The following UVRAG variants were observed in gnomAD, a reference collection of about 807,000 sequenced individuals.
The protein encoded by UVRAG is UV radiation resistance-associated gene protein.
In UVRAG, 19 loss-of-function variants were observed where a neutral mutation model predicts 78.0. That is an observed-to-expected ratio of 0.24 (90% CI 0.17 to 0.36). The LOEUF (loss-of-function observed/expected upper bound fraction) is 0.36. Ranked by LOEUF, UVRAG falls within the 10% of genes least tolerant of loss-of-function variation. The probability of loss-of-function intolerance (pLI) is 1.00; values close to 1 mark genes in which losing one functional copy is unlikely to be tolerated. For missense variants in UVRAG, 740 were observed against 853.8 expected (o/e 0.87, Z 1.66); for synonymous variants, 323 against 324.6 (o/e 1.00, Z 0.05).
At chr11:75,822,339 T>C (rs556941595) in intron 1 of UVRAG, among the ~76,000 whole-genome samples, 2 of 152,368 alleles carry the variant, frequency 1.3e-5, no homozygotes, top group South Asian at 2.1e-4. Context: ...TACACTGTTA[T>C]ACTATCAGCA....
chr11:75,899,362 A>G (rs1455959228), intron 5 of UVRAG, among the ~76,000 whole-genome samples: 2 of 152,128 alleles, frequency 1.3e-5, no homozygotes, highest in African/African-American at 4.8e-5. Flanking sequence ...CAGAGCTTTA[A>G]AAAAACTACC....
At chr11:75,930,835 G>A (rs546369808) in intron 6 of UVRAG, 1 of 152,362 alleles carries the variant, frequency 6.6e-6, no homozygotes, top group African/African-American at 2.4e-5. Context: ...GTTGGCATCT[G>A]CAAGTCAGCC....
intron 7 of UVRAG, among the ~76,000 whole-genome samples, chr11:75,983,018 T>C (rs903304016): frequency 1.4e-4 from 21 of 152,304 alleles, no homozygotes; most frequent in African/African-American, 4.8e-4. Flanking sequence ...TCTTGGTATA[T>C]ACCTAGAAGT....
At chr11:75,935,365 G>A (rs1209228004) in intron 6 of UVRAG, among the ~76,000 whole-genome samples, 1 of 151,940 alleles carries the variant, frequency 6.6e-6, no homozygotes, top group Non-Finnish European at 1.5e-5. Flanking sequence ...TGCTTTATTA[G>A]TTATTAAAAA....
At position 75,815,639 on chromosome 11, in the gene UVRAG, G is replaced by T. The variant is rs1194419765; in HGVS notation, c.117+115G>T. 3 of 584,286 alleles carry T rather than the reference G, an allele frequency of 5.1e-6. No homozygotes were observed. In the African/African-American group the frequency reaches 5.8e-5, roughly 11 times the overall value. 36.2% of individuals were successfully genotyped at this position (584,286 alleles called of 1,614,324 possible). On this transcript the variant is annotated intron_variant, in intron 1 of 14. Coordinates refer to ENST00000356136, the MANE Select transcript of UVRAG (RefSeq NM_003369.4). ...GACACCCAGAGCAGGGACCCGGAGG[G>T]CTCGCGGGACTGAGGAAGACTGTCA...
rs2134524207 is a variant in UVRAG, at chr11:76,142,975, A to T, written c.*1562A>T. The T allele has an allele frequency of 6.6e-6, 1 of 152,328 alleles. No homozygotes were observed. Among genetic ancestry groups the T allele is most frequent in the Admixed American group, 6.5e-5 (1 of 15,296 alleles). The allele number at this position is 152,328 out of a possible 1,614,324, so 9.4% of individuals were successfully genotyped here. On this transcript the variant is annotated 3_prime_UTR_variant, in exon 15 of 15. Coordinates refer to ENST00000356136, the MANE Select transcript of UVRAG (RefSeq NM_003369.4). ...GAACTCACAGGATGACTACATCACA[A>T]ATAAACCCAACTCTCAGGCAGTCGA... is the stretch of plus-strand genomic sequence containing the variant.
chr11:75,975,253 GT>G (rs1949213613), intron 7 of UVRAG, among the ~76,000 whole-genome samples: 1 of 152,172 alleles, frequency 6.6e-6, no homozygotes, highest in Non-Finnish European at 1.5e-5. Context: ...GTACCATGCT[GT>G]TTTGGTTACT....
chr11:75,973,060 A>G (rs964864641), intron 7 of UVRAG, among the ~76,000 whole-genome samples: 6 of 152,148 alleles, frequency 3.9e-5, no homozygotes, highest in African/African-American at 1.4e-4. Context: ...ATTAGCTAGG[A>G]CTTCAGGTAT....
At chr11:75,968,659 G>A (rs1268470739) in intron 7 of UVRAG, among the ~76,000 whole-genome samples, 2 of 152,122 alleles carry the variant, frequency 1.3e-5, no homozygotes, top group African/African-American at 2.4e-5. Flanking sequence ...ATGTACCCTG[G>A]AATAGAGCAG....
intron 8 of UVRAG, chr11:75,983,829 A>G (rs1949443031): frequency 5.0e-6 from 1 of 198,578 alleles, no homozygotes; most frequent in Non-Finnish European, 1.0e-5. Context: ...GTATCTAAAT[A>G]TATCTAAGCA....
intron 6 of UVRAG, among the ~76,000 whole-genome samples, chr11:75,935,761 CA>C (rs5792706): frequency 1 from 152,316 of 152,316 alleles, 76,158 homozygotes; most frequent in Non-Finnish European, 1. Context: ...TCAGTACTCC[CA>C]AAATAAATCA....
intron 3 of UVRAG, among the ~76,000 whole-genome samples, chr11:75,870,991 TC>T (rs1403387429): frequency 1.3e-5 from 2 of 151,912 alleles, no homozygotes; most frequent in South Asian, 4.1e-4. Flanking sequence ...TGTCTCAGCC[TC>T]CCAAGTAGCT....
chr11:76,023,109 G>T (rs1268135121), intron 12 of UVRAG, among the ~76,000 whole-genome samples: 1 of 152,022 alleles, frequency 6.6e-6, no homozygotes, highest in Non-Finnish European at 1.5e-5. Context: ...TACATTGTGT[G>T]CCCATAATAC....
intron 6 of UVRAG, chr11:75,930,929 TTC>T (rs970080698): frequency 3.4e-5 from 4 of 118,428 alleles, no homozygotes; most frequent in African/African-American, 1.5e-4. Flanking sequence ...TGTCGGGATT[TTC>T]TTTCTTTCTT....
intron 5 of UVRAG, among the ~76,000 whole-genome samples, chr11:75,894,479 G>A (rs1205198696): frequency 1.3e-5 from 2 of 152,096 alleles, no homozygotes; most frequent in African/African-American, 4.8e-5. Flanking sequence ...TTGGGAGGAG[G>A]ATAGAGATAG....
chr11:75,828,100 A>T (rs575175019), intron 1 of UVRAG, among the ~76,000 whole-genome samples: 1 of 152,308 alleles, frequency 6.6e-6, no homozygotes, highest in South Asian at 2.1e-4. Flanking sequence ...CAGGTCTAGG[A>T]TAATTTACAG....
At chr11:75,973,702 C>T (rs1163952636) in intron 7 of UVRAG, among the ~76,000 whole-genome samples, 1 of 152,196 alleles carries the variant, frequency 6.6e-6, no homozygotes, top group Non-Finnish European at 1.5e-5. Context: ...TGCTATCCCT[C>T]CTCCATCCCC....
chr11:76,094,321 T>C (rs955442373), intron 13 of UVRAG, among the ~76,000 whole-genome samples: 2 of 152,164 alleles, frequency 1.3e-5, no homozygotes, highest in Admixed American at 6.6e-5. Flanking sequence ...GAAATTCTCT[T>C]TTTTTGTTGA....
chr11:76,056,352 T>C (rs1486687192), intron 12 of UVRAG, among the ~76,000 whole-genome samples: 1 of 152,260 alleles, frequency 6.6e-6, no homozygotes, highest in Non-Finnish European at 1.5e-5. Context: ...TCATATTTCT[T>C]GGGTAAATAC....
Sources: allele counts gnomAD v4.1 joint callset (sites outside exome capture counted in the v4.1 genomes callset), GRCh38; gene constraint gnomAD v4.1.1; transcripts MANE v1.5; gene names NCBI Gene and HGNC (gene_info 2026-07-23, HGNC 2026-07-21).